CLTCL1: variants seen among roughly 807,000 people sequenced by gnomAD.
The protein encoded by CLTCL1 is clathrin heavy chain like 1.
A neutral mutation model predicts 190.0 loss-of-function variants in CLTCL1; 159 were observed. The ratio of observed to expected loss-of-function variants is 0.84; its 90% confidence interval spans 0.74 to 0.95. The LOEUF (loss-of-function observed/expected upper bound fraction) is 0.95. Ranked by LOEUF, CLTCL1 falls within the 40% of genes least tolerant of loss-of-function variation. The probability of loss-of-function intolerance (pLI) is 0.00; values close to 1 mark genes in which losing one functional copy is unlikely to be tolerated. For missense variants in CLTCL1, 1,878 were observed against 2,033.4 expected, an observed-to-expected ratio of 0.92 and a Z score of 1.47; for synonymous variants, 752 against 769.6, an observed-to-expected ratio of 0.98 and a Z score of 0.38.
intron 2 of CLTCL1, among the ~76,000 whole-genome samples, chr22:19,255,094 T>C (rs943668397): frequency 6.6e-6 from 1 of 152,174 alleles, no homozygotes; most frequent in African/African-American, 2.4e-5. Context: ...GCTGGTGTGA[T>C]AAGGCAAGAA....
intron 26 of CLTCL1, among the ~76,000 whole-genome samples, 151 bp from the exon 27 acceptor site, chr22:19,191,586 C>T (rs2084507784): frequency 1.3e-5 from 2 of 152,196 alleles, no homozygotes; most frequent in African/African-American, 2.4e-5. Context: ...TGCCTCCTCT[C>T]ATCCCTGAGG....
intron 32 of CLTCL1, 68 bp from the exon 33 acceptor site, chr22:19,180,037 C>T: frequency 3.1e-6 from 2 of 640,180 alleles, no homozygotes; most frequent in East Asian, 5.5e-5. Flanking sequence ...CTGGCTGCCC[C>T]TGAGTAGCCC....
intron 7 of CLTCL1, 111 bp downstream of exon 7, chr22:19,234,398 A>G (rs781981709): frequency 4.0e-6 from 4 of 991,738 alleles, no homozygotes; most frequent in East Asian, 2.7e-5. Flanking sequence ...AACTCCTAAC[A>G]TAACACTAAT....
chr22:19,271,853 T>C (rs1223946962), intron 2 of CLTCL1, among the ~76,000 whole-genome samples: 1 of 152,184 alleles, frequency 6.6e-6, no homozygotes, highest in Non-Finnish European at 1.5e-5. Flanking sequence ...ACATCAGTAG[T>C]CTCAGGACTT....
chr22:19,191,214 C>A, intron 27 of CLTCL1, 90 bp downstream of exon 27: 1 of 1,527,230 alleles, frequency 6.5e-7, no homozygotes, highest in Non-Finnish European at 8.9e-7. Flanking sequence ...GGGGTCATTT[C>A]AAAAACTCTT....
At chr22:19,272,381 T>C (rs1200957955) in intron 2 of CLTCL1, among the ~76,000 whole-genome samples, 1 of 152,182 alleles carries the variant, frequency 6.6e-6, no homozygotes, top group Non-Finnish European at 1.5e-5. Flanking sequence ...GGGCTGAGTA[T>C]CTCTGAGCAC....
At position 19,201,267 on chromosome 22, in the gene CLTCL1, A is replaced by C. The variant is rs1223658673; in HGVS notation, c.3765+62T>G. 5 of 1,528,326 alleles carry C rather than the reference A, an allele frequency of 3.3e-6. No homozygotes were observed. In the Admixed American group the frequency reaches 8.0e-5, roughly 24 times the overall value. The allele number at this position is 1,528,326 out of a possible 1,614,324, so 94.7% of individuals were successfully genotyped here. A position where few individuals can be genotyped will look rare whatever the true frequency, so the allele number is the denominator to read the frequency against. ...CCCAGAAGAGTACCGAGCAGAACGC[A>C]AAGGACACGGAGAGCGTGCCTGTCC... On this transcript the variant is annotated intron_variant, in intron 23 of 32. Transcript: ENST00000427926.
At chr22:19,211,790 C>T (rs117874143) in intron 19 of CLTCL1, among the ~76,000 whole-genome samples, 1 of 116,740 alleles carries the variant, frequency 8.6e-6, no homozygotes, top group Admixed American at 8.5e-5. Context: ...AAAACAAAAA[C>T]AAAACTGTCC....
intron 2 of CLTCL1, among the ~76,000 whole-genome samples, chr22:19,256,354 C>CTTTTTTTTTTTT (rs1239133099): frequency 9.6e-6 from 1 of 104,340 alleles, no homozygotes; most frequent in Non-Finnish European, 1.9e-5. Context: ...TTTCTTTTAT[C>CTTTTTTTTTTTT]TTTTTTTTTT....
In CLTCL1 at chr22:19,235,805, A is replaced by T. The variant is rs2086064266; in HGVS notation, c.860T>A (p.Leu287Gln). 6.2e-7 allele frequency: 1 copy of T among 1,613,888 alleles called. No homozygotes were observed. Among genetic ancestry groups the T allele is most frequent in the South Asian group, 1.1e-5 (1 of 91,076 alleles). ...TKYGYLHLYD[L>Q]ESGVCICMNR... The stretch of plus-strand genomic sequence containing the variant: ...CATGCAGATGCACACGCCAGACTCT[A>T]GGTCGTACAGATGAAGATAGCCATA... Residue 287 changes from leucine (L) to glutamine (Q), a missense_variant, in exon 6 of 33, where the codon CTA becomes CAA. By Grantham distance (113) the Leu-to-Gln change is moderately radical. Coordinates refer to ENST00000427926, the MANE Select transcript of CLTCL1 (RefSeq NM_007098.4).
At chr22:19,181,001 G>C (rs2084118393) in intron 30 of CLTCL1, 195 bp from the exon 31 acceptor site, 3 of 586,232 alleles carry the variant, frequency 5.1e-6, no homozygotes, top group Non-Finnish European at 6.1e-6. Context: ...GAGAGGTGAA[G>C]CCTCGGTAGC....
At chr22:19,290,781 T>C (rs558687714) in intron 1 of CLTCL1, among the ~76,000 whole-genome samples, 1 of 152,344 alleles carries the variant, frequency 6.6e-6, no homozygotes, top group East Asian at 1.9e-4. Flanking sequence ...TCTTATTGAA[T>C]GAAGATGAGT....
chr22:19,229,844 T>G lies in CLTCL1; in HGVS notation c.1776A>C (p.Ala592=). The G allele has an allele frequency of 1.2e-6, 2 of 1,608,218 alleles. No homozygotes were observed. The highest frequency in any genetic ancestry group is 1.7e-6 in the Non-Finnish European group (2 of 1,177,892). ...TWLLEMNLVH[A]PQVADAILGN... is the part of the protein sequence containing the mutation. ...TAGCCTACAAGTCACTGACCTGGGG[T>G]GCATGAACAAGGTTCATCTCCAACA... Residue 592 remains alanine (A), a synonymous_variant, in exon 11 of 33, where the codon GCA becomes GCC. Coordinates refer to ENST00000427926, the MANE Select transcript of CLTCL1 (RefSeq NM_007098.4).
In CLTCL1 at chr22:19,275,609, C is replaced by T; in HGVS notation, c.250+14G>A. On this transcript the variant is annotated intron_variant, in intron 2 of 32. Transcript: ENST00000427926. ...TGAGGTAAGATTCCTTTCTAACAAT[C>T]CCATCGGGTTTACCTTTCAGAGCTA... 6.3e-7 allele frequency: 1 copy of T among 1,584,540 alleles called. No individual in the cohort carries two copies. Among genetic ancestry groups the T allele is most frequent in the Non-Finnish European group, 8.6e-7 (1 of 1,163,192 alleles).
chr22:19,276,576 A>G (rs887384954), intron 1 of CLTCL1, among the ~76,000 whole-genome samples: 3 of 152,082 alleles, frequency 2.0e-5, no homozygotes, highest in Non-Finnish European at 2.9e-5. Flanking sequence ...ATACTCAATA[A>G]ATGTTTATCA....
chr22:19,193,070 C>T (rs1387448191), intron 26 of CLTCL1, among the ~76,000 whole-genome samples: 3 of 152,216 alleles, frequency 2.0e-5, no homozygotes, highest in Admixed American at 1.3e-4. Flanking sequence ...GCCCCACCTG[C>T]TTCCCCACCA....
At chr22:19,227,750 G>A (rs1386063468) in intron 11 of CLTCL1, among the ~76,000 whole-genome samples, 24 of 152,098 alleles carry the variant, frequency 1.6e-4, no homozygotes, top group African/African-American at 5.8e-4. Flanking sequence ...ACCGCACCTG[G>A]CCCACCTGGC....
At chr22:19,217,387 C>G (rs532933482) in intron 18 of CLTCL1, among the ~76,000 whole-genome samples, 1 of 152,004 alleles carries the variant, frequency 6.6e-6, no homozygotes, top group African/African-American at 2.4e-5. Context: ...GAGGCCAAGA[C>G]GGGCAGATCA....
intron 7 of CLTCL1, among the ~76,000 whole-genome samples, chr22:19,234,094 G>T (rs949184592): frequency 7.2e-5 from 11 of 152,106 alleles, no homozygotes; most frequent in Middle Eastern, 3.2e-3. Context: ...CCAAGAAAAA[G>T]CCATATGCCG....
Sources: allele counts gnomAD v4.1 joint callset (sites outside exome capture counted in the v4.1 genomes callset), GRCh38; gene constraint gnomAD v4.1.1; transcripts MANE v1.5; gene names NCBI Gene and HGNC (gene_info 2026-07-23, HGNC 2026-07-21).